FEM1B: variants seen among roughly 807,000 people sequenced by gnomAD.
The protein encoded by FEM1B is fem-1 homolog B, also known as protein fem-1 homolog B.
A neutral mutation model predicts 38.6 loss-of-function variants in FEM1B; 10 were observed. The ratio of observed to expected loss-of-function variants is 0.26; its 90% CI spans 0.16 to 0.44. The LOEUF (loss-of-function observed/expected upper bound fraction) is 0.44. Among genes scored for constraint, FEM1B ranks in the 20% least tolerant of loss-of-function variants. FEM1B has a pLI of 1.00. For missense variants in FEM1B, 471 were observed against 786.7 expected, an observed-to-expected ratio of 0.60 and a Z score of 4.80; for synonymous variants, 288 against 288.0, an observed-to-expected ratio of 1.00 and a Z score of 0.00.
chr15:68,282,600 A>G (rs1377624270), intron 1 of FEM1B, among the ~76,000 whole-genome samples: 1 of 152,208 alleles, frequency 6.6e-6, no homozygotes, highest in Non-Finnish European at 1.5e-5. Context: ...TATTTGTTTG[A>G]AAAGGTGAAT....
At position 68,291,017 on chromosome 15, in the gene FEM1B, C is replaced by G; in HGVS notation, c.1659C>G (p.His553Gln). Residue 553 changes from histidine to glutamine, a missense_variant, in exon 2 of 2, where the codon CAC becomes CAG. Physicochemically the swap from His to Gln is conservative, Grantham distance 24. Coordinates refer to ENST00000306917, the MANE Select transcript of FEM1B (RefSeq NM_015322.5). The surrounding 1 kb of genome is among the most constrained non-coding windows in gnomAD (Gnocchi z 6.9). ...CCATCAGTGATTTTTTGACCTTGCA[C>G]TCCATCATCATTAGCCTAGTTGAAG... ...NRPISDFLTL[H>Q]SIIISLVEAG... The G allele has an allele frequency of 6.2e-7, 1 of 1,614,120 alleles. No individual in the cohort carries two copies.
Position 68,278,618 on chromosome 15 carries a change from A to G in FEM1B, c.201A>G (p.Glu67=). The change falls in exon 1 of 2, where the codon GAA becomes GAG. Residue 67 remains glutamate (E), a synonymous_variant. Coordinates refer to ENST00000306917, the MANE Select transcript of FEM1B (RefSeq NM_015322.5). The surrounding 1 kb of genome is among the most constrained non-coding windows in gnomAD (Gnocchi z 5.7). ...GHAKVVRLLL[E]HYRVQTQQTG... ...CAAAGGTGGTACGCTTGCTCTTAGAACATTACCGGGTGCAGACTCAGCAGA... is the reference window on the plus strand; with the variant it reads ...CAAAGGTGGTACGCTTGCTCTTAGAGCATTACCGGGTGCAGACTCAGCAGA... 1.2e-6 allele frequency: 2 copies of G among 1,614,000 alleles called. No individual in the cohort carries two copies. Among genetic ancestry groups the G allele is most frequent in the Non-Finnish European group, 1.7e-6 (2 of 1,180,000 alleles).
chr15:68,289,467 C>CTGT lies in FEM1B; in HGVS notation c.249-138_249-136dup. The CTGT allele has an allele frequency of 1.6e-6, 1 of 637,176 alleles. No individual in the cohort carries two copies. The highest frequency in any genetic ancestry group is 2.9e-5 in the Admixed American group (1 of 34,204). 39.5% of individuals were successfully genotyped at this position (637,176 alleles called of 1,614,324 possible). A position where few individuals can be genotyped will look rare whatever the true frequency, so the allele number is the denominator to read the frequency against. ...ATGCAAAGTGCTTTCCTTAAATTAC[C>CTGT]TGTTTTTATTTTCATGAGAACTGAT... On this transcript the variant is annotated intron_variant, in intron 1 of 1. Coordinates refer to ENST00000306917, the MANE Select transcript of FEM1B (RefSeq NM_015322.5). This position sits in a 1 kb window ranked among gnomAD's most constrained non-coding sequence, Gnocchi z 6.9.
rs569881342 is a variant in FEM1B at position 68,293,916 on chromosome 15, A to C, written c.*2674A>C. On this transcript the variant is annotated 3_prime_UTR_variant, in exon 2 of 2. Coordinates refer to ENST00000306917, the MANE Select transcript of FEM1B (RefSeq NM_015322.5). The surrounding 1 kb of genome is among the most constrained non-coding windows in gnomAD (Gnocchi z 5.8). ...CCACTTTGGTCATTTGATGTTTACT[A>C]TTGGTATACTTATGCTTTGAATTGT... The C allele has an allele frequency of 6.6e-6, 1 of 152,092 alleles. No individual in the cohort carries two copies. Among genetic ancestry groups the C allele is most frequent in the South Asian group, 2.1e-4 (1 of 4,832 alleles). The allele number at this position is 152,092 out of a possible 1,614,324, so 9.4% of individuals were successfully genotyped here. A position where few individuals can be genotyped will look rare whatever the true frequency, so the allele number is the denominator to read the frequency against.
chr15:68,285,641 A>G (rs1273179715), intron 1 of FEM1B, among the ~76,000 whole-genome samples: 1 of 149,712 alleles, frequency 6.7e-6, no homozygotes, highest in Non-Finnish European at 1.5e-5. Flanking sequence ...GCATCTTTTC[A>G]TATGCTTATG....
rs1892709351 is a variant in FEM1B at position 68,280,020 on chromosome 15, C to T, written c.248+1355C>T. On this transcript the variant is annotated intron_variant, in intron 1 of 1. Transcript: ENST00000306917. The surrounding 1 kb of genome is among the most constrained non-coding windows in gnomAD (Gnocchi z 4.2). The stretch of plus-strand genomic sequence containing the variant: ...CTCTGAACCTCCAGTACCGTTCCAC[C>T]TGTATAGGCATATGAAGTCATTGAG... The T allele has an allele frequency of 6.6e-6, 1 of 152,164 alleles. No individual in the cohort carries two copies. The highest frequency in any genetic ancestry group is 1.5e-5 in the Non-Finnish European group (1 of 68,060). 9.4% of individuals were successfully genotyped at this position (152,164 alleles called of 1,614,324 possible).
chr15:68,289,045 G>C lies in FEM1B; in HGVS notation c.249-562G>C, dbSNP rs184597238. Among the ~76,000 whole-genome samples, 434 of 152,288 alleles carry C rather than the reference G, an allele frequency of 2.8e-3. 2 individuals are homozygous for C. The highest frequency in any genetic ancestry group is 8.4e-3 in the African/African-American group (350 of 41,550). On this transcript the variant is annotated intron_variant, in intron 1 of 1. Coordinates refer to ENST00000306917, the MANE Select transcript of FEM1B (RefSeq NM_015322.5). This position sits in a 1 kb window ranked among gnomAD's most constrained non-coding sequence, Gnocchi z 6.9. The stretch of plus-strand genomic sequence containing the variant: ...TCTCAGCATCAGGTTTATGTTATCT[G>C]TTCATATTGTGTGTGGAGCAGTAAT...
intron 1 of FEM1B, among the ~76,000 whole-genome samples, chr15:68,283,818 A>T (rs1257534417): frequency 6.6e-6 from 1 of 151,354 alleles, no homozygotes; most frequent in African/African-American, 2.4e-5. Context: ...GATGTGTACT[A>T]TGTTTCCTTA....
chr15:68,286,527 T>C (rs947660494), intron 1 of FEM1B, among the ~76,000 whole-genome samples: 2 of 152,014 alleles, frequency 1.3e-5, no homozygotes, highest in African/African-American at 4.8e-5. Context: ...AGGATTTTCA[T>C]TTGGTTTATA....
chr15:68,278,398 T>TTG lies in FEM1B; in HGVS notation c.-20_-19insTG. 3 of 1,603,410 alleles carry TTG rather than the reference T, an allele frequency of 1.9e-6. No homozygotes were observed. Among genetic ancestry groups the TTG allele is most frequent in the Non-Finnish European group, 2.6e-6 (3 of 1,175,420 alleles). The stretch of plus-strand genomic sequence containing the variant: ...GCTGCAGCGGTGGCGACCAAACGGG[T>TTG]GTTGGAGTTGGCGGCGGCCATGGAG... On this transcript the variant is annotated 5_prime_UTR_variant, in exon 1 of 2. Transcript: ENST00000306917. This position sits in a 1 kb window ranked among gnomAD's most constrained non-coding sequence, Gnocchi z 5.7.
chr15:68,285,787 C>T (rs933927802), intron 1 of FEM1B, among the ~76,000 whole-genome samples: 2 of 151,910 alleles, frequency 1.3e-5, no homozygotes, highest in Non-Finnish European at 2.9e-5. Context: ...TCTTCTTAGC[C>T]CCCCCGCAGT....
Position 68,289,804 on chromosome 15 carries a change from T to G in FEM1B, c.446T>G (p.Ile149Ser). 1 of 1,614,198 alleles carries G rather than the reference T, an allele frequency of 6.2e-7. No homozygotes were observed. Among genetic ancestry groups the G allele is most frequent in the Non-Finnish European group, 8.5e-7 (1 of 1,180,012 alleles). Residue 149 changes from isoleucine to serine, a missense_variant, in exon 2 of 2, where the codon ATT (isoleucine) becomes AGT (serine). Physicochemically the swap from Ile to Ser is moderately radical, Grantham distance 142. This residue lies in a region of FEM1B where 380 missense variants were observed against 599.6 expected (regional missense o/e 0.63). Coordinates refer to ENST00000306917, the MANE Select transcript of FEM1B (RefSeq NM_015322.5). The surrounding 1 kb of genome is among the most constrained non-coding windows in gnomAD (Gnocchi z 6.9). ...YLVENNANIS[I>S]ANKYDNTCLM... ...GTTGAAAATAATGCCAACATCAGCA[T>G]TGCCAACAAATATGACAACACCTGC... is the stretch of plus-strand genomic sequence containing the variant.
At position 68,292,366 on chromosome 15, in the gene FEM1B, C is replaced by CA. The variant is rs35888855; in HGVS notation, c.*1128dup. On this transcript the variant is annotated 3_prime_UTR_variant, in exon 2 of 2. Coordinates refer to ENST00000306917, the MANE Select transcript of FEM1B (RefSeq NM_015322.5). Reference sequence around the variant, plus strand: ...CTGAGAGCTGCAAATTTTTCAACCACAAAATGTCACTTATTCCTACAGGCT... The same window carrying CA: ...CTGAGAGCTGCAAATTTTTCAACCACAAAAATGTCACTTATTCCTACAGGCT... The CA allele has an allele frequency of 6.6e-6, 1 of 152,132 alleles. No individual in the cohort carries two copies. The highest frequency in any genetic ancestry group is 1.5e-5 in the Non-Finnish European group (1 of 68,008). 9.4% of individuals were successfully genotyped at this position (152,132 alleles called of 1,614,324 possible).
In FEM1B at chr15:68,278,369, G is replaced by C; in HGVS notation, c.-49G>C. 1 of 1,576,348 alleles carries C rather than the reference G, an allele frequency of 6.3e-7. No individual in the cohort carries two copies. The highest frequency in any genetic ancestry group is 1.8e-5 in the Admixed American group (1 of 55,220). The stretch of plus-strand genomic sequence containing the variant: ...GCGAACGCGGCCTCCGGGGGCGCAC[G>C]GCAGCTGCAGCGGTGGCGACCAAAC... On this transcript the variant is annotated 5_prime_UTR_variant, in exon 1 of 2. Transcript: ENST00000306917. The surrounding 1 kb of genome is among the most constrained non-coding windows in gnomAD (Gnocchi z 5.7).
In FEM1B at chr15:68,281,582, C is replaced by T. The variant is rs1390338688; in HGVS notation, c.248+2917C>T. On this transcript the variant is annotated intron_variant, in intron 1 of 1. Transcript: ENST00000306917. This position sits in a 1 kb window ranked among gnomAD's most constrained non-coding sequence, Gnocchi z 5.1. ...GATAGAGCCTCGAGGGGAAAGGGAC[C>T]ACCCACCTAGATTAAGCCATTGATA... Among the ~76,000 whole-genome samples the T allele has an allele frequency of 6.6e-6, 1 of 152,110 alleles. No individual in the cohort carries two copies. Among genetic ancestry groups the T allele is most frequent in the Non-Finnish European group, 1.5e-5 (1 of 68,004 alleles).
intron 1 of FEM1B, among the ~76,000 whole-genome samples, chr15:68,286,272 A>G (rs1056989978): frequency 6.8e-6 from 1 of 148,092 alleles, no homozygotes; most frequent in Non-Finnish European, 1.5e-5. Context: ...GCCAGCACTT[A>G]TTTTAATTAC....
In FEM1B at chr15:68,285,297, G is replaced by A. The variant is rs1252781573; in HGVS notation, c.249-4310G>A. Among the ~76,000 whole-genome samples, 6 of 152,090 alleles carry A rather than the reference G, an allele frequency of 3.9e-5. No homozygotes were observed. The East Asian group carries it at 1.2e-3, about 29-fold the overall frequency. ...AATATTTTGGTTGTTTCCAGTGTTT[G>A]ACTGTTATGAATAAAACTGCAGTGA... On this transcript the variant is annotated intron_variant, in intron 1 of 1. Transcript: ENST00000306917.
In FEM1B at chr15:68,280,522, C is replaced by T. The variant is rs117462645; in HGVS notation, c.248+1857C>T. ...CAGGGAAAGGAAGTGCTGTTTTATC[C>T]GGGGGGAATCTAGAAAGGCTTCACA... On this transcript the variant is annotated intron_variant, in intron 1 of 1. Transcript: ENST00000306917. The surrounding 1 kb of genome is among the most constrained non-coding windows in gnomAD (Gnocchi z 4.2). Among the ~76,000 whole-genome samples, 51 of 152,092 alleles carry T rather than the reference C, an allele frequency of 3.4e-4. No individual in the cohort carries two copies. Among genetic ancestry groups the T allele is most frequent in the Admixed American group, 1.4e-3 (22 of 15,284 alleles).
Position 68,290,044 on chromosome 15 carries a change from G to A in FEM1B, c.686G>A (p.Ser229Asn). The A allele has an allele frequency of 6.2e-7, 1 of 1,614,234 alleles. No homozygotes were observed. The highest frequency in any genetic ancestry group is 8.5e-7 in the Non-Finnish European group (1 of 1,180,038). Residue 229 changes from serine to asparagine, a missense_variant, in exon 2 of 2, where the codon AGC becomes AAC. Ser to Asn is a conservative substitution (Grantham distance 46). Coordinates refer to ENST00000306917, the MANE Select transcript of FEM1B (RefSeq NM_015322.5). This position sits in a 1 kb window ranked among gnomAD's most constrained non-coding sequence, Gnocchi z 9.7. ...GMTPLKVAAE[S>N]CKADVVELLL... The stretch of plus-strand genomic sequence containing the variant: ...ACGCCATTGAAAGTAGCTGCCGAAA[G>A]CTGTAAAGCTGATGTCGTAGAACTG...
Sources: gnomAD v4.1 joint callset for allele counts (sites outside exome capture counted in the v4.1 genomes callset) on GRCh38, gnomAD v4.1.1 for gene constraint, gnomAD v4.1.1 regional missense constraint, Gnocchi (gnomAD v3.1) non-coding constraint, MANE v1.5 for transcripts, NCBI Gene and HGNC (gene_info 2026-07-23, HGNC 2026-07-21) for gene names.